Variants in DYNC1H1 observed in about 807,000 individuals in gnomAD.
DYNC1H1 encodes the protein cytoplasmic dynein 1 heavy chain 1.
DYNC1H1 carries 51 observed loss-of-function variants against 527.1 expected under a neutral mutation model. The ratio of observed to expected loss-of-function variants is 0.10; its 90% CI spans 0.08 to 0.12. The LOEUF is 0.12. DYNC1H1 is among the 10% of genes least tolerant of loss of function. The pLI, the probability that DYNC1H1 is intolerant of heterozygous loss-of-function variation, is 1.00. For missense variants in DYNC1H1, 2,771 were observed against 5,971.8 expected, an observed-to-expected ratio of 0.46 and a Z score of 17.66; for synonymous variants, 2,189 against 2,278.8, an observed-to-expected ratio of 0.96 and a Z score of 1.12.
chr14:102,001,043 G>A lies in DYNC1H1; in HGVS notation c.4164G>A (p.Arg1388=), dbSNP rs1212734630. Residue 1388 remains arginine (R), a synonymous_variant, in exon 19 of 78, where the codon AGG becomes AGA. Coordinates refer to ENST00000360184, the MANE Select transcript of DYNC1H1 (RefSeq NM_001376.5). This position sits in a 1 kb window ranked among gnomAD's most constrained non-coding sequence, Gnocchi z 5.0. ...ATGCGTCCTATGAGTTTGTTCAGAG[G>A]CTTCTGAAAGGTTACATGAAGGTAG... ...RQYASYEFVQ[R]LLKGYMKINM... The A allele has an allele frequency of 1.9e-6, 3 of 1,614,166 alleles. No individual in the cohort carries two copies. The East Asian group carries it at 6.7e-5, about 36-fold the overall frequency.
chr14:101,977,127 G>A (rs2047810155), intron 2 of DYNC1H1, among the ~76,000 whole-genome samples: 1 of 152,148 alleles, frequency 6.6e-6, no homozygotes, highest in Admixed American at 6.5e-5. Flanking sequence ...CTATATGCAG[G>A]TTTGATTCTT....
In DYNC1H1 at chr14:102,004,826, T is replaced by C. The variant is rs2048178354; in HGVS notation, c.5114T>C (p.Val1705Ala). 2.5e-6 allele frequency: 4 copies of C among 1,614,166 alleles called. No homozygotes were observed. The highest frequency in any genetic ancestry group is 3.4e-6 in the Non-Finnish European group (4 of 1,180,032). The part of the protein sequence containing the change: ...HPKINEWLTL[V>A]EKEMRVTLAK... ...AAAATCAATGAGTGGCTCACATTGG[T>C]AGAAAAGGAGATGAGAGTCACCCTG... Residue 1705 changes from valine to alanine, a missense_variant, in exon 25 of 78, where the codon GTA becomes GCA. Around this residue, in one of 32 missense-constraint regions of DYNC1H1, gnomAD observed 105 missense variants for 138.1 expected, o/e 0.76. Transcript: ENST00000360184.
intron 29 of DYNC1H1, 140 bp downstream of exon 29, chr14:102,008,477 G>A (rs1567009511): frequency 1.6e-6 from 2 of 1,238,772 alleles, no homozygotes; most frequent in South Asian, 2.6e-5. Flanking sequence ...GTAGTGAGCT[G>A]TGGTTAAAGA....
At chr14:102,047,788 C>T (rs764501836) in intron 72 of DYNC1H1, 29 bp from the exon 73 acceptor site, 1 of 1,612,172 alleles carries the variant, frequency 6.2e-7, no homozygotes, top group African/African-American at 1.3e-5. Context: ...CTCCCTCCTT[C>T]CTGCTGCGAC....
chr14:102,004,412 CCACCAGACA>C (rs879769022), intron 23 of DYNC1H1, 97 bp from the exon 24 acceptor site: 136 of 1,328,216 alleles, frequency 1.0e-4, no homozygotes, highest in Non-Finnish European at 1.3e-4. Flanking sequence ...GAGATTGCCA[CCACCAGACA>C]CATGTTCTTT....
rs201671138 is a variant in DYNC1H1, at chr14:102,039,578, G to T, written c.11595+32G>T. 9.3e-6 allele frequency: 15 copies of T among 1,614,082 alleles called. No individual in the cohort carries two copies. The highest frequency in any genetic ancestry group is 1.6e-4 in the Middle Eastern group (1 of 6,082). ...TGAGGTCCTCAGCCGCTCCCTGGCG[G>T]GGGGGAAGCAGGGTGCTGCTTCTCT... On this transcript the variant is annotated intron_variant, in intron 61 of 77. Transcript: ENST00000360184. The surrounding 1 kb of genome is among the most constrained non-coding windows in gnomAD (Gnocchi z 7.0).
intron 23 of DYNC1H1, 122 bp downstream of exon 23, chr14:102,003,087 C>A: frequency 7.9e-7 from 1 of 1,264,100 alleles, no homozygotes; most frequent in Non-Finnish European, 1.1e-6. Flanking sequence ...ATTTTGTTAG[C>A]CAATAATACA....
At chr14:101,984,233 G>A (rs1402491207) in intron 7 of DYNC1H1, among the ~76,000 whole-genome samples, 1 of 150,462 alleles carries the variant, frequency 6.6e-6, no homozygotes, top group Non-Finnish European at 1.5e-5. Flanking sequence ...CAAATGATCC[G>A]CCCACCTCAG....
Position 102,021,691 on chromosome 14 carries a change from G to A in DYNC1H1, c.8508-1060G>A, listed in dbSNP as rs555934459. 1.3e-4 allele frequency among the ~76,000 whole-genome samples: 17 copies of A among 126,738 alleles called. No homozygotes were observed. The East Asian group carries it at 3.1e-3, about 23-fold the overall frequency. The allele number at this position is 126,738 out of a possible 152,430, so 83.1% of individuals were successfully genotyped here. A position where few individuals can be genotyped will look rare whatever the true frequency, so the allele number is the denominator to read the frequency against. Reference sequence around the variant, plus strand: ...TTTTTTTTTTTGAGACAAGAGTCTCGCTTTGTCACCCAGGCTAGAGTGCAA... The same window carrying A: ...TTTTTTTTTTTGAGACAAGAGTCTCACTTTGTCACCCAGGCTAGAGTGCAA... On this transcript the variant is annotated intron_variant, in intron 42 of 77. Transcript: ENST00000360184.
Position 102,039,219 on chromosome 14 carries a change from A to G in DYNC1H1, c.11425A>G (p.Ser3809Gly). Reference sequence around the variant, plus strand: ...GTACCTCCCGCTCTCCACCGCCTGCAGCAGCATCTACTTCACCATGGAGTC... The same window carrying G: ...GTACCTCCCGCTCTCCACCGCCTGCGGCAGCATCTACTTCACCATGGAGTC... ...QQYLPLSTACSSIYFTMESLK... is the reference protein window; with the variant it reads ...QQYLPLSTACGSIYFTMESLK... Residue 3809 changes from serine (S) to glycine (G), a missense_variant, in exon 60 of 78, where the codon AGC becomes GGC. This residue lies in a region of DYNC1H1 where 283 missense variants were observed against 737.6 expected (regional missense o/e 0.38). Transcript: ENST00000360184. The surrounding 1 kb of genome is among the most constrained non-coding windows in gnomAD (Gnocchi z 7.0). The G allele has an allele frequency of 6.2e-7, 1 of 1,614,028 alleles. No homozygotes were observed. Among genetic ancestry groups the G allele is most frequent in the South Asian group, 1.1e-5 (1 of 91,086 alleles).
rs925076050 is a variant in DYNC1H1, at chr14:102,020,149, C to G, written c.8507+93C>G. On this transcript the variant is annotated intron_variant, in intron 42 of 77. Transcript: ENST00000360184. This position sits in a 1 kb window ranked among gnomAD's most constrained non-coding sequence, Gnocchi z 4.3. ...TGGGGTCTTTGCAGGGGTGGTCTGC[C>G]TAAGTTAGAGCCAGGTGGTGCCAGT... is the stretch of plus-strand genomic sequence containing the variant. 1 of 1,530,508 alleles carries G rather than the reference C, an allele frequency of 6.5e-7. No homozygotes were observed. The highest frequency in any genetic ancestry group is 8.9e-7 in the Non-Finnish European group (1 of 1,128,456). 94.8% of individuals were successfully genotyped at this position (1,530,508 alleles called of 1,614,324 possible). A position where few individuals can be genotyped will look rare whatever the true frequency, so the allele number is the denominator to read the frequency against.
chr14:102,050,037 C>T (rs760936120), intron 76 of DYNC1H1, 34 bp from the exon 77 acceptor site: 63 of 1,514,314 alleles, frequency 4.2e-5, no homozygotes, highest in Non-Finnish European at 4.6e-5. Flanking sequence ...CTGTTGTGTT[C>T]ACCTCAGCCT....
intron 8 of DYNC1H1, 109 bp from the exon 9 acceptor site, chr14:101,987,344 C>A: frequency 8.1e-7 from 1 of 1,237,314 alleles, no homozygotes; most frequent in Non-Finnish European, 1.1e-6. Context: ...TATGGAAGAA[C>A]TGTGCCTGGA....
chr14:102,045,181 T>G (rs1232619956), intron 72 of DYNC1H1: 1 of 218,720 alleles, frequency 4.6e-6, no homozygotes, highest in African/African-American at 2.3e-5. Flanking sequence ...CAGGCACCTG[T>G]AATCCCAGCT....
Position 101,985,842 on chromosome 14 carries a change from C to T in DYNC1H1, c.1617C>T (p.Ser539=), listed in dbSNP as rs1339226229. 1.9e-6 allele frequency: 3 copies of T among 1,614,106 alleles called. No individual in the cohort carries two copies. The highest frequency in any genetic ancestry group is 1.7e-6 in the Non-Finnish European group (2 of 1,180,020). Residue 539 remains serine (S), a synonymous_variant, in exon 8 of 78, where the codon TCC becomes TCT. Coordinates refer to ENST00000360184, the MANE Select transcript of DYNC1H1 (RefSeq NM_001376.5). The surrounding 1 kb of genome is among the most constrained non-coding windows in gnomAD (Gnocchi z 5.9). ...AGGAAGTGGATGGACTGGATGTTTC[C>T]AAAGAGGGCACGGAAGCCTGGGAGG... is the stretch of plus-strand genomic sequence containing the variant. The part of the protein sequence containing the change: ...NVKEVDGLDV[S]KEGTEAWEAA...
Position 102,012,659 on chromosome 14 carries a change from C to A in DYNC1H1, c.7014+189C>A. ...TTCCATTTCCATGGCTAGTGAGAAA[C>A]ATTTTAATAGGTTTTATTGATGGCT... On this transcript the variant is annotated intron_variant, in intron 34 of 77. Transcript: ENST00000360184. The surrounding 1 kb of genome is among the most constrained non-coding windows in gnomAD (Gnocchi z 4.9). The A allele has an allele frequency of 1.4e-6, 1 of 719,326 alleles. No homozygotes were observed. The allele number at this position is 719,326 out of a possible 1,614,324, so 44.6% of individuals were successfully genotyped here.
At chr14:102,037,986 G>A (rs761093947) in intron 57 of DYNC1H1, 33 of 305,344 alleles carry the variant, frequency 1.1e-4, no homozygotes, top group Non-Finnish European at 1.9e-4. Flanking sequence ...ACTTCCCATG[G>A]CTAGTGTGAC....
chr14:102,003,599 T>C (rs2048156749), intron 23 of DYNC1H1, among the ~76,000 whole-genome samples: 2 of 152,160 alleles, frequency 1.3e-5, no homozygotes, highest in Admixed American at 1.3e-4. Context: ...CCTTTCTGAA[T>C]AGTTTGCTTA....
rs1260160392 is a variant in DYNC1H1, at chr14:102,012,507, C to T, written c.7014+37C>T. 6.2e-7 allele frequency: 1 copy of T among 1,613,998 alleles called. No homozygotes were observed. The highest frequency in any genetic ancestry group is 1.7e-5 in the Admixed American group (1 of 60,026). ...TTTGTATGTCGTCAACTGAATAATT[C>T]CTTTTGGCCAACTAAACTTCGTGTG... On this transcript the variant is annotated intron_variant, in intron 34 of 77. Coordinates refer to ENST00000360184, the MANE Select transcript of DYNC1H1 (RefSeq NM_001376.5). The surrounding 1 kb of genome is among the most constrained non-coding windows in gnomAD (Gnocchi z 4.9).
Sources: allele counts gnomAD v4.1 joint callset (sites outside exome capture counted in the v4.1 genomes callset), GRCh38; gene constraint gnomAD v4.1.1; regional missense constraint gnomAD v4.1.1; non-coding constraint Gnocchi (gnomAD v3.1); transcripts MANE v1.5; gene names NCBI Gene and HGNC (gene_info 2026-07-23, HGNC 2026-07-21).